The following CTXND1 variants were observed in gnomAD, a reference collection of about 807,000 sequenced individuals.
The protein encoded by CTXND1 is cortexin domain containing 1, also known as cortexin domain-containing 1 protein.
At chr15:80,222,454 A>G (rs1275577900) in intron 1 of CTXND1, among the ~76,000 whole-genome samples, 1 of 152,164 alleles carries the variant, frequency 6.6e-6, no homozygotes, top group Non-Finnish European at 1.5e-5. Flanking sequence ...TAATACTTCT[A>G]TCATAACCAA....
chr15:80,234,811 C>T lies in CTXND1; in HGVS notation c.-218+17196G>A, dbSNP rs536724685. Among the ~76,000 whole-genome samples, 11 of 152,260 alleles carry T rather than the reference C, an allele frequency of 7.2e-5. No homozygotes were observed. In the South Asian group the frequency reaches 1.7e-3, roughly 23 times the overall value. On this transcript the variant is annotated intron_variant, in intron 1 of 2. Coordinates refer to ENST00000560778, the MANE Select transcript of CTXND1 (RefSeq NM_001352888.2). Reference sequence around the variant, plus strand: ...CTCTTTTGATGGGGCTGTCTTCCATCGCCTGTGTCAAAATGTCCCCTTTAT... The same window carrying T: ...CTCTTTTGATGGGGCTGTCTTCCATTGCCTGTGTCAAAATGTCCCCTTTAT...
intron 1 of CTXND1, among the ~76,000 whole-genome samples, chr15:80,242,688 G>A (rs906927124): frequency 1.3e-5 from 2 of 152,122 alleles, no homozygotes; most frequent in African/African-American, 4.8e-5. Flanking sequence ...GTTGGCCCTT[G>A]GAGAATTTCA....
At chr15:80,221,846 T>C in intron 1 of CTXND1, among the ~76,000 whole-genome samples, 1 of 152,236 alleles carries the variant, frequency 6.6e-6, no homozygotes, top group Admixed American at 6.5e-5. Flanking sequence ...CTCAAGTTTA[T>C]ATTTTGATTT....
intron 1 of CTXND1, among the ~76,000 whole-genome samples, chr15:80,239,075 G>A (rs576548280): frequency 9.8e-5 from 15 of 152,306 alleles, no homozygotes; most frequent in African/African-American, 2.6e-4. Context: ...AGCAGTCAGC[G>A]ACAGAGCAGC....
chr15:80,224,722 G>A (rs550593665), intron 1 of CTXND1, among the ~76,000 whole-genome samples: 4 of 152,094 alleles, frequency 2.6e-5, no homozygotes, highest in Non-Finnish European at 4.4e-5. Context: ...TAGATTTTTC[G>A]TATTTTATTT....
intron 1 of CTXND1, among the ~76,000 whole-genome samples, chr15:80,237,532 G>T (rs143829450): frequency 1.3e-3 from 194 of 152,022 alleles, no homozygotes; most frequent in African/African-American, 4.4e-3. Context: ...GCTCTTGTAG[G>T]CTCAGGCTCA....
rs2041443310 is a variant in CTXND1, at chr15:80,200,511, G to C, written c.*1259C>G. 1 of 152,314 alleles carries C rather than the reference G, an allele frequency of 6.6e-6. No homozygotes were observed. Among genetic ancestry groups the C allele is most frequent in the African/African-American group, 2.4e-5 (1 of 41,400 alleles). 9.4% of individuals were successfully genotyped at this position (152,314 alleles called of 1,614,324 possible). On this transcript the variant is annotated 3_prime_UTR_variant, in exon 3 of 3. Transcript: ENST00000560778. ...TGGAGGGCAGAAAGAGGTGGGAGGA[G>C]GGAGGGCCTGAGAAGAGCCATCATC...
At chr15:80,206,362 T>C (rs1294021352) in intron 1 of CTXND1, among the ~76,000 whole-genome samples, 1 of 152,260 alleles carries the variant, frequency 6.6e-6, no homozygotes, top group Non-Finnish European at 1.5e-5. Context: ...TCTTCGTGAA[T>C]GAAGTTAAGC....
chr15:80,218,544 C>A (rs899518657), intron 1 of CTXND1, among the ~76,000 whole-genome samples: 1 of 152,150 alleles, frequency 6.6e-6, no homozygotes, highest in African/African-American at 2.4e-5. Context: ...ATTGATATTA[C>A]AGATCAATTG....
At chr15:80,207,755 A>T (rs1212064847) in intron 1 of CTXND1, among the ~76,000 whole-genome samples, 1 of 152,202 alleles carries the variant, frequency 6.6e-6, no homozygotes, top group Admixed American at 6.5e-5. Context: ...GGCTAAGCCC[A>T]CTTCAGGTGG....
At chr15:80,202,810 CTG>C (rs760313536) in intron 2 of CTXND1, among the ~76,000 whole-genome samples, 145 of 152,316 alleles carry the variant, frequency 9.5e-4, no homozygotes, top group Non-Finnish European at 1.5e-3. Context: ...GGCCTGAAAA[CTG>C]TAAGTGTTAT....
chr15:80,246,920 G>A (rs189086333), intron 1 of CTXND1, among the ~76,000 whole-genome samples: 7 of 152,272 alleles, frequency 4.6e-5, no homozygotes, highest in African/African-American at 9.6e-5. Flanking sequence ...CCTCGCAGTC[G>A]GATTCAGATG....
intron 1 of CTXND1, among the ~76,000 whole-genome samples, chr15:80,220,146 C>CTGTCT (rs1555444756): frequency 9.5e-6 from 1 of 105,344 alleles, no homozygotes; most frequent in East Asian, 2.5e-4. Flanking sequence ...ATCTATCTAT[C>CTGTCT]ATCTATCTAT....
intron 1 of CTXND1, among the ~76,000 whole-genome samples, chr15:80,239,025 A>G (rs1893535659): frequency 6.6e-6 from 1 of 152,192 alleles, no homozygotes. Flanking sequence ...ACTGAACTGA[A>G]TCTTCCGTTT....
intron 1 of CTXND1, among the ~76,000 whole-genome samples, chr15:80,248,298 C>T (rs1022074882): frequency 1.3e-5 from 2 of 152,232 alleles, no homozygotes; most frequent in African/African-American, 4.8e-5. Flanking sequence ...TCAAGATAGC[C>T]TGCGTCTGAT....
At chr15:80,217,521 C>CTTAT (rs67800490) in intron 1 of CTXND1, among the ~76,000 whole-genome samples, 29,584 of 143,586 alleles carry the variant, frequency 0.21, 3,314 homozygotes, top group South Asian at 0.25. Flanking sequence ...CAATAGCTTG[C>CTTAT]TTATTTATTT....
intron 1 of CTXND1, among the ~76,000 whole-genome samples, chr15:80,248,878 T>C (rs1049496555): frequency 6.6e-6 from 1 of 152,208 alleles, no homozygotes; most frequent in Non-Finnish European, 1.5e-5. Context: ...ACATTGTATT[T>C]TAATTACCCA....
At chr15:80,235,454 C>T (rs759209380) in intron 1 of CTXND1, among the ~76,000 whole-genome samples, 4 of 152,264 alleles carry the variant, frequency 2.6e-5, no homozygotes, top group Middle Eastern at 3.4e-3. Context: ...CGAAAGAGCT[C>T]GCCCTAAATT....
chr15:80,218,244 TATCACTTCAGCC>T (rs367941229), intron 1 of CTXND1, among the ~76,000 whole-genome samples: 11 of 152,170 alleles, frequency 7.2e-5, no homozygotes, highest in African/African-American at 2.6e-4. Flanking sequence ...CAAGTGACCC[TATCACTTCAGCC>T]TCCCAAGTAG....
Sources: gnomAD v4.1 joint callset for allele counts (sites outside exome capture counted in the v4.1 genomes callset) on GRCh38, gnomAD v4.1.1 for gene constraint, MANE v1.5 for transcripts, NCBI Gene and HGNC (gene_info 2026-07-23, HGNC 2026-07-21) for gene names.